The following KIRREL3 variants were observed in gnomAD, a reference collection of about 807,000 sequenced individuals.
KIRREL3 encodes the protein kin of IRRE-like protein 3.
A neutral mutation model predicts 89.7 loss-of-function variants in KIRREL3; 36 were observed. The ratio of observed to expected loss-of-function variants is 0.40; its 90% CI spans 0.31 to 0.53. KIRREL3 has a LOEUF of 0.53. Ranked by LOEUF, KIRREL3 falls within the 20% of genes least tolerant of loss-of-function variation. KIRREL3 has a pLI of 0.49. For synonymous variants in KIRREL3, 445 were observed against 441.4 expected (o/e 1.01, Z -0.10); for missense variants, 864 against 1,056.6 (o/e 0.82, Z 2.53).
At chr11:126,921,746 C>CTTCT (rs1406869036) in intron 1 of KIRREL3, among the ~76,000 whole-genome samples, 4 of 133,772 alleles carry the variant, frequency 3.0e-5, no homozygotes, top group African/African-American at 8.3e-5. Flanking sequence ...CTATATCTGT[C>CTTCT]TTCTATCTAT....
At chr11:126,435,556 A>G (rs1591527002) in intron 12 of KIRREL3, among the ~76,000 whole-genome samples, 1 of 105,782 alleles carries the variant, frequency 9.5e-6, no homozygotes, top group Non-Finnish European at 1.9e-5. Context: ...GGGTGAGAAC[A>G]CTCGGGGGAG....
At position 126,668,997 on chromosome 11, in the gene KIRREL3, C is replaced by T. The variant is rs528248902; in HGVS notation, c.56-106085G>A. Among the ~76,000 whole-genome samples, 9 of 152,060 alleles carry T rather than the reference C, an allele frequency of 5.9e-5. No homozygotes were observed. The highest frequency in any genetic ancestry group is 1.9e-4 in the African/African-American group (8 of 41,466). On this transcript the variant is annotated intron_variant, in intron 1 of 16. Transcript: ENST00000525144. The surrounding 1 kb of genome is among the most constrained non-coding windows in gnomAD (Gnocchi z 4.4). ...GAGGGAATGCATGTTTCCAGTGACT[C>T]CTGAAGTTTTATTCACCTGTTAGGG...
rs369699496 is a variant in KIRREL3 at position 126,734,528 on chromosome 11, C to T, written c.56-171616G>A. Among the ~76,000 whole-genome samples, 176 of 152,098 alleles carry T rather than the reference C, an allele frequency of 1.2e-3. 1 individual carries two copies. Among genetic ancestry groups the T allele is most frequent in the African/African-American group, 4.0e-3 (167 of 41,504 alleles). On this transcript the variant is annotated intron_variant, in intron 1 of 16. Coordinates refer to ENST00000525144, the MANE Select transcript of KIRREL3 (RefSeq NM_032531.4). The surrounding 1 kb of genome is among the most constrained non-coding windows in gnomAD (Gnocchi z 5.9). ...AAAATACAAAATCAGCTGGGCATGG[C>T]AGCGCGTGCCTGTAATCCCAGCTAC... is the stretch of plus-strand genomic sequence containing the variant.
rs745971752 is a variant in KIRREL3 at position 126,601,205 on chromosome 11, C to T, written c.56-38293G>A. On this transcript the variant is annotated intron_variant, in intron 1 of 16. Transcript: ENST00000525144. This position sits in a 1 kb window ranked among gnomAD's most constrained non-coding sequence, Gnocchi z 5.8. The stretch of plus-strand genomic sequence containing the variant: ...GAGAGAATTTATGTCTCTTCATGCT[C>T]TTGTTGACAATAATAACTGATTGCT... 6.6e-6 allele frequency among the ~76,000 whole-genome samples: 1 copy of T among 152,152 alleles called. No homozygotes were observed. Among genetic ancestry groups the T allele is most frequent in the East Asian group, 1.9e-4 (1 of 5,192 alleles).
chr11:126,441,107 G>A lies in KIRREL3; in HGVS notation c.1253-558C>T, dbSNP rs1181912040. ...CTCTCCTTAGGGCGGGAATCACCCC[G>A]GACAGGGGGAATGCATGCGCTGGCC... On this transcript the variant is annotated intron_variant, in intron 10 of 16. Transcript: ENST00000525144. The surrounding 1 kb of genome is among the most constrained non-coding windows in gnomAD (Gnocchi z 5.0). Among the ~76,000 whole-genome samples, 1 of 152,220 alleles carries A rather than the reference G, an allele frequency of 6.6e-6. No individual in the cohort carries two copies. The highest frequency in any genetic ancestry group is 1.5e-5 in the Non-Finnish European group (1 of 68,044).
intron 5 of KIRREL3, among the ~76,000 whole-genome samples, chr11:126,468,216 C>T (rs555248012): frequency 1.1e-3 from 162 of 152,296 alleles, no homozygotes; most frequent in Non-Finnish European, 1.8e-3. Flanking sequence ...TGGGGGCTTT[C>T]CAGAAGAAAG....
intron 2 of KIRREL3, among the ~76,000 whole-genome samples, chr11:126,559,718 G>A (rs763205841): frequency 2.2e-4 from 33 of 152,022 alleles, no homozygotes; most frequent in Non-Finnish European, 4.4e-4. Flanking sequence ...CACTCAGGCT[G>A]GGGTGCAGTG....
chr11:126,672,987 T>G (rs1388057629), intron 1 of KIRREL3, among the ~76,000 whole-genome samples: 1 of 152,232 alleles, frequency 6.6e-6, no homozygotes, highest in African/African-American at 2.4e-5. Context: ...CAAATAGGCT[T>G]GAGTTTCCTC....
intron 1 of KIRREL3, among the ~76,000 whole-genome samples, chr11:126,720,754 G>A (rs1371155063): frequency 6.6e-6 from 1 of 152,216 alleles, no homozygotes; most frequent in Non-Finnish European, 1.5e-5. Context: ...AGAGAGAAAG[G>A]AATTGGCTTG....
intron 1 of KIRREL3, among the ~76,000 whole-genome samples, chr11:126,825,456 G>A (rs10790839): frequency 0.31 from 46,976 of 152,122 alleles, 7,607 homozygotes; most frequent in East Asian, 0.43. Flanking sequence ...TGAATAATGA[G>A]ATCTAGCAAA....
rs1948724986 is a variant in KIRREL3 at position 126,734,120 on chromosome 11, GGTTT to G, written c.56-171212_56-171209del. On this transcript the variant is annotated intron_variant, in intron 1 of 16. Transcript: ENST00000525144. The surrounding 1 kb of genome is among the most constrained non-coding windows in gnomAD (Gnocchi z 5.9). Reference sequence around the variant, plus strand: ...CTGCATTAGAACAAGATCCCTAGGTGGTTTGTTTGAACACTGGAGTTTGGGAAGC... The same window carrying G: ...CTGCATTAGAACAAGATCCCTAGGTGGTTTGAACACTGGAGTTTGGGAAGC... Among the ~76,000 whole-genome samples the G allele has an allele frequency of 6.6e-6, 1 of 152,184 alleles. No homozygotes were observed. The highest frequency in any genetic ancestry group is 1.5e-5 in the Non-Finnish European group (1 of 68,044).
intron 1 of KIRREL3, among the ~76,000 whole-genome samples, chr11:126,926,275 G>T (rs1947711829): frequency 6.6e-6 from 1 of 152,246 alleles, no homozygotes; most frequent in South Asian, 2.1e-4. Context: ...CAGCGATTCA[G>T]TTCCTTCTTC....
chr11:126,836,662 G>T (rs1326340616), intron 1 of KIRREL3, among the ~76,000 whole-genome samples: 1 of 152,198 alleles, frequency 6.6e-6, no homozygotes, highest in Non-Finnish European at 1.5e-5. Context: ...AAAATGTTGA[G>T]AATTTTTTCC....
At chr11:126,938,938 T>C (rs1784323) in intron 1 of KIRREL3, among the ~76,000 whole-genome samples, 138,928 of 152,190 alleles carry the variant, frequency 0.91, 63,602 homozygotes, top group African/African-American at 0.98. Context: ...ACAAGTAGGA[T>C]GAGACAGGAG....
chr11:126,858,180 T>C (rs1944592491), intron 1 of KIRREL3, among the ~76,000 whole-genome samples: 1 of 152,158 alleles, frequency 6.6e-6, no homozygotes, highest in African/African-American at 2.4e-5. Flanking sequence ...TACACAAATA[T>C]AGACTAGACT....
chr11:126,770,868 C>T (rs1195643940), intron 1 of KIRREL3, among the ~76,000 whole-genome samples: 1 of 152,202 alleles, frequency 6.6e-6, no homozygotes, highest in African/African-American at 2.4e-5. Flanking sequence ...CAGAATCTCA[C>T]TCTGTCACCC....
In KIRREL3 at chr11:126,689,273, AT is replaced by A. The variant is rs1427994569; in HGVS notation, c.56-126362del. Among the ~76,000 whole-genome samples the A allele has an allele frequency of 6.6e-6, 1 of 152,076 alleles. No individual in the cohort carries two copies. The highest frequency in any genetic ancestry group is 2.4e-5 in the African/African-American group (1 of 41,394). On this transcript the variant is annotated intron_variant, in intron 1 of 16. Transcript: ENST00000525144. The surrounding 1 kb of genome is among the most constrained non-coding windows in gnomAD (Gnocchi z 5.2). ...TCTCCCAGTGGCTTGTGAGATTAAG[AT>A]TTGGTATTGGAATTTGTCCCATCTC...
chr11:126,800,833 T>C (rs867332388), intron 1 of KIRREL3, among the ~76,000 whole-genome samples: 3 of 152,172 alleles, frequency 2.0e-5, no homozygotes, highest in Middle Eastern at 3.2e-3. Flanking sequence ...GTATCACTTT[T>C]CAGCGGATTT....
Position 126,807,309 on chromosome 11 carries a change from G to A in KIRREL3, c.55+193146C>T, listed in dbSNP as rs1951233995. Among the ~76,000 whole-genome samples, 5 of 152,140 alleles carry A rather than the reference G, an allele frequency of 3.3e-5. 1 individual carries two copies. In the South Asian group the frequency reaches 1.0e-3, roughly 32 times the overall value. On this transcript the variant is annotated intron_variant, in intron 1 of 16. Transcript: ENST00000525144. This position sits in a 1 kb window ranked among gnomAD's most constrained non-coding sequence, Gnocchi z 4.3. ...GCACAGGAAATTGCCAGGTCACTAAGGTGAATTATGGGCACATTTCCATGT... is the reference window on the plus strand; with the variant it reads ...GCACAGGAAATTGCCAGGTCACTAAAGTGAATTATGGGCACATTTCCATGT...
Sources: allele counts gnomAD v4.1 joint callset (sites outside exome capture counted in the v4.1 genomes callset), GRCh38; gene constraint gnomAD v4.1.1; non-coding constraint Gnocchi (gnomAD v3.1); transcripts MANE v1.5; gene names NCBI Gene and HGNC (gene_info 2026-07-23, HGNC 2026-07-21).